The following ZNF148 variants were observed in gnomAD, a reference collection of about 807,000 sequenced individuals.
ZNF148 encodes Beta-Enolase Repressor Factor-1.
ZNF148 carries 7 observed loss-of-function variants against 67.7 expected under a neutral mutation model. The observed-to-expected ratio is 0.10, with a 90% CI of 0.06 to 0.19. The LOEUF is 0.19. ZNF148 is among the 10% of genes least tolerant of loss of function. ZNF148 has a pLI of 1.00. For missense variants in ZNF148, 583 were observed against 947.1 expected (o/e 0.62, Z 5.05); for synonymous variants, 333 against 330.7 (o/e 1.01, Z -0.08).
chr3:125,280,758 C>CAAAAA (rs1299591282), intron 5 of ZNF148, among the ~76,000 whole-genome samples: 7 of 93,484 alleles, frequency 7.5e-5, no homozygotes, highest in Non-Finnish European at 1.2e-4. Context: ...TTGACGAAAG[C>CAAAAA]AAAAAAAAAA....
intron 7 of ZNF148, 143 bp from the exon 8 acceptor site, chr3:125,234,472 A>T: frequency 1.6e-6 from 1 of 632,252 alleles, no homozygotes; most frequent in Non-Finnish European, 2.8e-6. Flanking sequence ...CTTTATAAAA[A>T]TGAAAAGGAT....
Position 125,300,712 on chromosome 3 carries a change from AT to A in ZNF148, c.334-12485del, listed in dbSNP as rs540256160. On this transcript the variant is annotated intron_variant, in intron 4 of 8. Transcript: ENST00000360647. ...TACATCATTATGTGACTAGAGCATG[AT>A]TTTTTAGATAGTTCCTACTTTATAA... 1.9e-4 allele frequency among the ~76,000 whole-genome samples: 29 copies of A among 152,336 alleles called. No homozygotes were observed. The East Asian group carries it at 3.7e-3, about 19-fold the overall frequency.
chr3:125,257,338 G>A (rs1475110418), intron 7 of ZNF148, among the ~76,000 whole-genome samples: 1 of 152,044 alleles, frequency 6.6e-6, no homozygotes, highest in Non-Finnish European at 1.5e-5. Context: ...GATCACCTGA[G>A]GTCAGGAGTT....
intron 2 of ZNF148, among the ~76,000 whole-genome samples, chr3:125,330,556 A>G (rs2107710895): frequency 6.6e-6 from 1 of 151,908 alleles, no homozygotes; most frequent in African/African-American, 2.4e-5. Flanking sequence ...GGCCGGGTAC[A>G]GTGGCTCACA....
At chr3:125,333,327 T>A (rs1941364579) in intron 1 of ZNF148, among the ~76,000 whole-genome samples, 1 of 152,180 alleles carries the variant, frequency 6.6e-6, no homozygotes, top group Admixed American at 6.5e-5. Context: ...CACAAAATAA[T>A]ATAACCTCAA....
At chr3:125,249,710 A>T (rs1486040495) in intron 7 of ZNF148, among the ~76,000 whole-genome samples, 1 of 152,238 alleles carries the variant, frequency 6.6e-6, no homozygotes, top group Non-Finnish European at 1.5e-5. Context: ...TCATTATCTT[A>T]AAGAGATATC....
chr3:125,309,619 C>T (rs765269242), intron 4 of ZNF148, among the ~76,000 whole-genome samples: 13 of 152,112 alleles, frequency 8.5e-5, no homozygotes, highest in Admixed American at 5.9e-4. Context: ...GGATAAGGGA[C>T]GGGATTATGA....
chr3:125,259,201 G>A (rs927921796), intron 7 of ZNF148, among the ~76,000 whole-genome samples: 5 of 152,034 alleles, frequency 3.3e-5, no homozygotes, highest in African/African-American at 4.8e-5. Flanking sequence ...TTTTAAATGC[G>A]TAAAATAGCT....
chr3:125,340,672 G>A (rs1340581685), intron 1 of ZNF148, among the ~76,000 whole-genome samples: 2 of 152,106 alleles, frequency 1.3e-5, no homozygotes, highest in East Asian at 1.9e-4. Context: ...AGGGCCCAGA[G>A]CCTCCTAAGG....
Position 125,232,678 on chromosome 3 carries a change from G to T in ZNF148, c.2048C>A (p.Ser683Ter). 1 of 1,613,866 alleles carries T rather than the reference G, an allele frequency of 6.2e-7. No individual in the cohort carries two copies. The highest frequency in any genetic ancestry group is 1.1e-5 in the South Asian group (1 of 91,064). ...KSHFGLIVGD[S>*]QHSFPFSGDE... ...ACCTGAAAAGGGAAATGAGTGCTGTGAATCACCAACTATTAGTCCAAAGTG... is the reference window on the plus strand; with the variant it reads ...ACCTGAAAAGGGAAATGAGTGCTGTTAATCACCAACTATTAGTCCAAAGTG... The change falls in exon 9 of 9, where the codon TCA (serine) becomes TAA (stop). Residue 683 changes from serine (S) to a stop codon, truncating the protein, a stop_gained. Coordinates refer to ENST00000360647, the MANE Select transcript of ZNF148 (RefSeq NM_021964.3). LOFTEE classifies it high-confidence loss of function. The surrounding 1 kb of genome is among the most constrained non-coding windows in gnomAD (Gnocchi z 4.2).
intron 5 of ZNF148, among the ~76,000 whole-genome samples, chr3:125,287,016 T>C (rs1446717012): frequency 2.0e-5 from 3 of 152,322 alleles, no homozygotes; most frequent in Non-Finnish European, 4.4e-5. Flanking sequence ...ATTCCCACCA[T>C]AGCTAATTAT....
chr3:125,351,001 G>A (rs902007108), intron 1 of ZNF148, among the ~76,000 whole-genome samples: 1 of 152,092 alleles, frequency 6.6e-6, no homozygotes, highest in African/African-American at 2.4e-5. Flanking sequence ...AATCTCATAG[G>A]AGCAGAAAGT....
Position 125,268,774 on chromosome 3 carries a change from G to C in ZNF148, c.667+8952C>G, listed in dbSNP as rs540546239. Among the ~76,000 whole-genome samples, 3 of 152,186 alleles carry C rather than the reference G, an allele frequency of 2.0e-5. No individual in the cohort carries two copies. The East Asian group carries it at 5.8e-4, about 29-fold the overall frequency. On this transcript the variant is annotated intron_variant, in intron 7 of 8. Transcript: ENST00000360647. Reference sequence around the variant, plus strand: ...GTAAGAGGACTGCTTGAGGCCAGGAGTTCAAGACCAGCCTAGGCAACATGG... The same window carrying C: ...GTAAGAGGACTGCTTGAGGCCAGGACTTCAAGACCAGCCTAGGCAACATGG...
At chr3:125,343,289 T>G (rs1260442709) in intron 1 of ZNF148, among the ~76,000 whole-genome samples, 1 of 144,432 alleles carries the variant, frequency 6.9e-6, no homozygotes, top group Non-Finnish European at 1.5e-5. Flanking sequence ...ACATAGAGAT[T>G]TACAATTTTA....
intron 1 of ZNF148, among the ~76,000 whole-genome samples, chr3:125,355,971 A>C (rs1454574169): frequency 1.3e-5 from 2 of 152,142 alleles, no homozygotes; most frequent in Non-Finnish European, 2.9e-5. Flanking sequence ...TCTCCCTAGC[A>C]TTTCAAGGAG....
chr3:125,331,567 G>A (rs1246320726), intron 1 of ZNF148, among the ~76,000 whole-genome samples: 1 of 152,122 alleles, frequency 6.6e-6, no homozygotes, highest in African/African-American at 2.4e-5. Context: ...AGGAAGGAAA[G>A]CACAAATGTG....
intron 7 of ZNF148, among the ~76,000 whole-genome samples, chr3:125,243,826 T>C (rs1936472554): frequency 1.3e-5 from 2 of 152,216 alleles, no homozygotes; most frequent in Non-Finnish European, 2.9e-5. Context: ...ACGTCTGACC[T>C]GTTTCTTGAT....
chr3:125,356,301 T>C (rs562059821), intron 1 of ZNF148, among the ~76,000 whole-genome samples: 1 of 152,202 alleles, frequency 6.6e-6, no homozygotes, highest in East Asian at 1.9e-4. Flanking sequence ...TATTCTGGGA[T>C]TGGTCACCAG....
At chr3:125,278,189 A>C (rs1175684526) in intron 6 of ZNF148, among the ~76,000 whole-genome samples, 7 of 152,056 alleles carry the variant, frequency 4.6e-5, no homozygotes, top group Admixed American at 4.6e-4. Flanking sequence ...TTTTCTCCCT[A>C]GTTAACCATC....
Sources: gnomAD v4.1 joint callset for allele counts (sites outside exome capture counted in the v4.1 genomes callset) on GRCh38, gnomAD v4.1.1 for gene constraint, Gnocchi (gnomAD v3.1) non-coding constraint, MANE v1.5 for transcripts, NCBI Gene and HGNC (gene_info 2026-07-23, HGNC 2026-07-21) for gene names.